The following SLC6A4 variants were observed in gnomAD, a reference collection of about 807,000 sequenced individuals.
The protein encoded by SLC6A4 is sodium-dependent serotonin transporter.
A neutral mutation model predicts 73.4 loss-of-function variants in SLC6A4; 22 were observed. That is an observed-to-expected ratio of 0.30 (90% CI 0.21 to 0.43). The LOEUF (loss-of-function observed/expected upper bound fraction) is 0.43. SLC6A4 is among the 20% of genes least tolerant of loss of function. The pLI is 1.00. For synonymous variants in SLC6A4, 270 were observed against 315.5 expected (o/e 0.86, Z 1.53); for missense variants, 593 against 808.5 (o/e 0.73, Z 3.23).
intron 8 of SLC6A4, among the ~76,000 whole-genome samples, chr17:30,214,261 A>G (rs1025395204): frequency 2.6e-5 from 4 of 151,738 alleles, no homozygotes; most frequent in Non-Finnish European, 5.9e-5. Context: ...CATCTCTACT[A>G]AAAATACAAA....
intron 14 of SLC6A4, among the ~76,000 whole-genome samples, chr17:30,199,340 G>T (rs941091439): frequency 6.6e-6 from 1 of 151,794 alleles, no homozygotes; most frequent in Non-Finnish European, 1.5e-5. Flanking sequence ...CAGCCACACT[G>T]CAGAGGCTTT....
chr17:30,220,609 T>A (rs1382702102), intron 3 of SLC6A4, among the ~76,000 whole-genome samples: 1 of 152,136 alleles, frequency 6.6e-6, no homozygotes, highest in East Asian at 1.9e-4. Context: ...TAATTAAGAT[T>A]TAGGACTTAA....
At chr17:30,212,965 C>G in intron 8 of SLC6A4, 98 bp from the exon 9 acceptor site, 2 of 1,332,058 alleles carry the variant, frequency 1.5e-6, no homozygotes, top group Non-Finnish European at 2.1e-6. Flanking sequence ...GACAGGGCGG[C>G]CACAGCAAGG....
chr17:30,234,746 T>C (rs1907218674), intron 1 of SLC6A4, among the ~76,000 whole-genome samples: 1 of 152,210 alleles, frequency 6.6e-6, no homozygotes, highest in Admixed American at 6.5e-5. Flanking sequence ...CAGGTTCACT[T>C]TTCTGGACAA....
rs989550206 is a variant in SLC6A4, at chr17:30,203,356, A to T, written c.1651-17T>A. The T allele has an allele frequency of 9.3e-6, 15 of 1,608,758 alleles. No individual in the cohort carries two copies. Among genetic ancestry groups the T allele is most frequent in the Non-Finnish European group, 1.3e-5 (15 of 1,177,110 alleles). On this transcript the variant is annotated splice_polypyrimidine_tract_variant and intron_variant, in intron 13 of 14. Transcript: ENST00000650711. ...AATGATGAACTAAAACAGAAATTCC[A>T]AGAAACATTAAAAACCTTAACAATA...
chr17:30,229,660 T>C (rs1374798438), intron 1 of SLC6A4, among the ~76,000 whole-genome samples: 1 of 136,298 alleles, frequency 7.3e-6, no homozygotes, highest in Non-Finnish European at 1.6e-5. Context: ...GCGATCCTCC[T>C]GCCTCAGCCT....
At position 30,217,141 on chromosome 17, in the gene SLC6A4, G is replaced by A. The variant is rs1906603005; in HGVS notation, c.837+25C>T. ...GCCTGTGGGCCCCTGGGCAGGCCTG[G>A]GTCAGCAGCCAGAGCCTTCCTCACC... On this transcript the variant is annotated intron_variant, in intron 6 of 14. Coordinates refer to ENST00000650711, the MANE Select transcript of SLC6A4 (RefSeq NM_001045.6). 1.9e-6 allele frequency: 3 copies of A among 1,608,958 alleles called. No homozygotes were observed. The South Asian group carries it at 3.3e-5, about 18-fold the overall frequency.
chr17:30,216,290 C>CA (rs1167872426), intron 6 of SLC6A4, 74 bp from the exon 7 acceptor site: 1 of 3,406 alleles, frequency 2.9e-4, no homozygotes, highest in East Asian at 7.7e-3. Flanking sequence ...GAGAAGGGAG[C>CA]GGGGGAGGGG....
chr17:30,223,911 C>T (rs1236620931), intron 1 of SLC6A4, among the ~76,000 whole-genome samples: 3 of 152,136 alleles, frequency 2.0e-5, no homozygotes, highest in Non-Finnish European at 4.4e-5. Flanking sequence ...AATAACCACA[C>T]ATCCTCTCAC....
At chr17:30,229,888 C>T (rs75202500) in intron 1 of SLC6A4, among the ~76,000 whole-genome samples, 6,473 of 151,870 alleles carry the variant, frequency 0.043, 455 homozygotes, top group African/African-American at 0.15. Context: ...GGCATGGTGG[C>T]GCATGCCTGT....
At chr17:30,224,072 C>A (rs544735767) in intron 1 of SLC6A4, among the ~76,000 whole-genome samples, 19 of 152,302 alleles carry the variant, frequency 1.2e-4, no homozygotes, top group African/African-American at 3.6e-4. Context: ...TTCCCTCCGG[C>A]CTATATCAAT....
At position 30,197,461 on chromosome 17, in the gene SLC6A4, G is replaced by A. The variant is rs55823902; in HGVS notation, c.*995C>T. ...AACCTGGACAGTCAAACTCAGTCAC[G>A]TAAGGCAGACAGAACTTAAACCAGA... On this transcript the variant is annotated 3_prime_UTR_variant, in exon 15 of 15. Coordinates refer to ENST00000650711, the MANE Select transcript of SLC6A4 (RefSeq NM_001045.6). The A allele has an allele frequency of 0.016, 2,406 of 152,548 alleles. 68 individuals are homozygous for A. The highest frequency in any genetic ancestry group is 0.054 in the African/African-American group (2,239 of 41,550). 9.4% of individuals were successfully genotyped at this position (152,548 alleles called of 1,614,324 possible).
chr17:30,222,820 A>T lies in SLC6A4; in HGVS notation c.-125T>A. On this transcript the variant is annotated splice_region_variant and 5_prime_UTR_variant, in exon 2 of 15. An upstream start codon of the reference 5' UTR is lost. Coordinates refer to ENST00000650711, the MANE Select transcript of SLC6A4 (RefSeq NM_001045.6). ...TCCTTAAACGGCACTGCTGCTCACC[A>T]TTTGTTCTTCTTTCCACTTGCCAGC... 2 of 1,304,434 alleles carry T rather than the reference A, an allele frequency of 1.5e-6. No homozygotes were observed. Among genetic ancestry groups the T allele is most frequent in the Non-Finnish European group, 2.0e-6 (2 of 988,918 alleles). The allele number at this position is 1,304,434 out of a possible 1,614,324, so 80.8% of individuals were successfully genotyped here.
rs1252771131 is a variant in SLC6A4, at chr17:30,234,594, TTC to T, written c.-221+1017_-221+1018del. Among the ~76,000 whole-genome samples, 9 of 152,296 alleles carry T rather than the reference TTC, an allele frequency of 5.9e-5. No homozygotes were observed. In the East Asian group the frequency reaches 1.5e-3, roughly 26 times the overall value. Reference sequence around the variant, plus strand: ...AACCCAACACTGACGCTGCCCACAGTTCTCTGTTTCATTAAACACAAGTCCCA... The same window carrying T: ...AACCCAACACTGACGCTGCCCACAGTTCTGTTTCATTAAACACAAGTCCCA... On this transcript the variant is annotated intron_variant, in intron 1 of 14. Coordinates refer to ENST00000650711, the MANE Select transcript of SLC6A4 (RefSeq NM_001045.6).
At position 30,196,009 on chromosome 17, in the gene SLC6A4, C is replaced by T. The variant is rs1380419826; in HGVS notation, c.*2447G>A. ...TTTTCTGTATTTTTAATAGAGACGGCGTTTCACTATGTTGGCCAAGCTGGT... is the reference window on the plus strand; with the variant it reads ...TTTTCTGTATTTTTAATAGAGACGGTGTTTCACTATGTTGGCCAAGCTGGT... On this transcript the variant is annotated 3_prime_UTR_variant, in exon 15 of 15. Transcript: ENST00000650711. 2.6e-5 allele frequency: 4 copies of T among 151,212 alleles called. No individual in the cohort carries two copies. Among genetic ancestry groups the T allele is most frequent in the African/African-American group, 7.3e-5 (3 of 41,114 alleles). 9.4% of individuals were successfully genotyped at this position (151,212 alleles called of 1,614,324 possible).
At position 30,195,812 on chromosome 17, in the gene SLC6A4, A is replaced by G. The variant is rs200639531; in HGVS notation, c.*2644T>C. 5 of 139,634 alleles carry G rather than the reference A, an allele frequency of 3.6e-5. No individual in the cohort carries two copies. Among genetic ancestry groups the G allele is most frequent in the African/African-American group, 1.1e-4 (4 of 37,294 alleles). The allele number at this position is 139,634 out of a possible 1,614,324, so 8.6% of individuals were successfully genotyped here. A position where few individuals can be genotyped will look rare whatever the true frequency, so the allele number is the denominator to read the frequency against. On this transcript the variant is annotated 3_prime_UTR_variant, in exon 15 of 15. Coordinates refer to ENST00000650711, the MANE Select transcript of SLC6A4 (RefSeq NM_001045.6). Reference sequence around the variant, plus strand: ...GAATAGTCTTTCCATGGAACTAAGCATAACAATTTTTTTTTTTTTTTTTGA... The same window carrying G: ...GAATAGTCTTTCCATGGAACTAAGCGTAACAATTTTTTTTTTTTTTTTTGA...
In SLC6A4 at chr17:30,216,145, A is replaced by G; in HGVS notation, c.909T>C (p.Pro303=). 1 of 1,606,844 alleles carries G rather than the reference A, an allele frequency of 6.2e-7. No individual in the cohort carries two copies. Among genetic ancestry groups the G allele is most frequent in the South Asian group, 1.1e-5 (1 of 90,930 alleles). ...AGAAGAGAACACCCCTCCAGGCTCC[A>G]GGGAGGGTGGCACCCCTCACCAGCA... ...SVLLVRGATL[P]GAWRGVLFYL... Residue 303 remains proline (P), a synonymous_variant, in exon 7 of 15, where the codon CCT becomes CCC. Transcript: ENST00000650711.
In SLC6A4 at chr17:30,195,166, A is replaced by G; in HGVS notation, c.*3290T>C. 6.6e-6 allele frequency: 1 copy of G among 152,240 alleles called. No individual in the cohort carries two copies. The highest frequency in any genetic ancestry group is 1.5e-5 in the Non-Finnish European group (1 of 68,048). The allele number at this position is 152,240 out of a possible 1,614,324, so 9.4% of individuals were successfully genotyped here. The stretch of plus-strand genomic sequence containing the variant: ...TAGAAACAATACTGAATTGATTTCA[A>G]CTATATGAAACAAAAGGACAGACAT... On this transcript the variant is annotated 3_prime_UTR_variant, in exon 15 of 15. Coordinates refer to ENST00000650711, the MANE Select transcript of SLC6A4 (RefSeq NM_001045.6).
chr17:30,214,637 T>TC (rs1567818819), intron 8 of SLC6A4, among the ~76,000 whole-genome samples: 1 of 146,082 alleles, frequency 6.8e-6, no homozygotes, highest in Admixed American at 6.8e-5. Flanking sequence ...TTTCTTTCTT[T>TC]TTTTTTTTTT....
Sources: allele counts gnomAD v4.1 joint callset (sites outside exome capture counted in the v4.1 genomes callset), GRCh38; gene constraint gnomAD v4.1.1; transcripts MANE v1.5; gene names NCBI Gene and HGNC (gene_info 2026-07-23, HGNC 2026-07-21).